GALNT13: variants seen among roughly 807,000 people sequenced by gnomAD.
GALNT13 encodes the protein polypeptide N-acetylgalactosaminyltransferase 13.
Under a neutral mutation model 64.2 loss-of-function variants are expected in GALNT13, and 28 were observed. That is an observed-to-expected ratio of 0.44 (90% CI 0.32 to 0.60). GALNT13 has a LOEUF of 0.60. Among genes scored for constraint, GALNT13 ranks in the 20% least tolerant of loss-of-function variants. The pLI is 0.05. For synonymous variants in GALNT13, 214 were observed against 224.6 expected, an observed-to-expected ratio of 0.95 and a Z score of 0.42; for missense variants, 577 against 669.8, an observed-to-expected ratio of 0.86 and a Z score of 1.53.
At chr2:154,393,997 G>T (rs1335372414) in intron 9 of GALNT13, among the ~76,000 whole-genome samples, 1 of 135,560 alleles carries the variant, frequency 7.4e-6, no homozygotes. Flanking sequence ...AGAATGGCGT[G>T]AACCCGGGAG....
At chr2:154,154,077 G>T (rs1486652676) in intron 4 of GALNT13, among the ~76,000 whole-genome samples, 8 of 152,096 alleles carry the variant, frequency 5.3e-5, no homozygotes, top group Admixed American at 3.9e-4. Context: ...CATCTTGGCT[G>T]CTTCAGTGTG....
chr2:153,684,088 A>C, the GALNT13 span, among the ~76,000 whole-genome samples: 2 of 138,080 alleles, frequency 1.4e-5, no homozygotes, highest in Non-Finnish European at 3.2e-5. Context: ...ATATATATAT[A>C]TATCCCAGGC....
the GALNT13 span, among the ~76,000 whole-genome samples, chr2:153,121,131 G>A: frequency 4.6e-5 from 7 of 152,156 alleles, no homozygotes; most frequent in African/African-American, 1.4e-4. Flanking sequence ...AGTGCATCTA[G>A]CATTAGAAGA....
the GALNT13 span, among the ~76,000 whole-genome samples, chr2:153,199,557 T>C: frequency 1.3e-5 from 2 of 152,364 alleles, no homozygotes; most frequent in South Asian, 4.1e-4. Flanking sequence ...CTTCTTGCTC[T>C]ACTCCCAGGC....
the GALNT13 span, among the ~76,000 whole-genome samples, chr2:153,126,332 A>C: frequency 2.0e-5 from 1 of 49,104 alleles, no homozygotes; most frequent in African/African-American, 5.8e-5. Context: ...ATATATATAT[A>C]TATATATATA....
At chr2:153,149,271 A>G in the GALNT13 span, among the ~76,000 whole-genome samples, 1 of 151,824 alleles carries the variant, frequency 6.6e-6, no homozygotes, top group Non-Finnish European at 1.5e-5. Flanking sequence ...ACGTTACACA[A>G]CTTTTCCAAG....
the GALNT13 span, among the ~76,000 whole-genome samples, chr2:153,350,113 T>A: frequency 0.82 from 124,979 of 152,040 alleles, 52,283 homozygotes; most frequent in African/African-American, 0.9. Context: ...GGAGTGGCTG[T>A]ATCATACTTA....
At chr2:153,954,439 G>A (rs1376389871) in intron 3 of GALNT13, among the ~76,000 whole-genome samples, 1 of 151,808 alleles carries the variant, frequency 6.6e-6, no homozygotes, top group Non-Finnish European at 1.5e-5. Context: ...AAATTAATAG[G>A]CCTTATAAAA....
intron 4 of GALNT13, among the ~76,000 whole-genome samples, chr2:154,194,777 T>C (rs1686788793): frequency 6.6e-6 from 1 of 151,836 alleles, no homozygotes; most frequent in Non-Finnish European, 1.5e-5. Context: ...GAGGCTGAAG[T>C]CAGAGAGATT....
At chr2:153,139,113 A>G in the GALNT13 span, among the ~76,000 whole-genome samples, 2 of 152,080 alleles carry the variant, frequency 1.3e-5, no homozygotes, top group African/African-American at 4.8e-5. Context: ...ATGTTTTGAT[A>G]GCAGTCAACA....
At chr2:153,913,755 G>C (rs1689144022) in intron 2 of GALNT13, among the ~76,000 whole-genome samples, 1 of 152,004 alleles carries the variant, frequency 6.6e-6, no homozygotes, top group Admixed American at 6.6e-5. Flanking sequence ...TCCCATGCAG[G>C]GTGCCCAGTC....
At chr2:153,790,503 T>C in the GALNT13 span, among the ~76,000 whole-genome samples, 3 of 152,160 alleles carry the variant, frequency 2.0e-5, no homozygotes, top group East Asian at 5.8e-4. Context: ...TCATACTGAA[T>C]GGACAAAGGC....
intron 4 of GALNT13, among the ~76,000 whole-genome samples, chr2:154,161,161 G>A (rs567000347): frequency 9.9e-5 from 15 of 152,256 alleles, no homozygotes; most frequent in African/African-American, 2.9e-4. Flanking sequence ...ATATGCATGC[G>A]ATAAGGAGGA....
chr2:153,118,513 G>A, the GALNT13 span, among the ~76,000 whole-genome samples: 4 of 152,108 alleles, frequency 2.6e-5, no homozygotes, highest in African/African-American at 9.7e-5. Flanking sequence ...AGTTATAAGT[G>A]GTCCACCCAC....
At chr2:153,879,776 G>A (rs1026110276) in intron 1 of GALNT13, among the ~76,000 whole-genome samples, 1 of 152,078 alleles carries the variant, frequency 6.6e-6, no homozygotes, top group African/African-American at 2.4e-5. Flanking sequence ...AGTGAAGGAA[G>A]AAAAGCTGAT....
chr2:153,655,033 A>G, the GALNT13 span, among the ~76,000 whole-genome samples: 8 of 152,158 alleles, frequency 5.3e-5, no homozygotes, highest in South Asian at 2.1e-4. Flanking sequence ...AAACACATGT[A>G]ACTAGTATAA....
intron 3 of GALNT13, among the ~76,000 whole-genome samples, chr2:154,136,755 T>A (rs1165580623): frequency 6.6e-6 from 1 of 152,130 alleles, no homozygotes; most frequent in African/African-American, 2.4e-5. Flanking sequence ...TTTTAAATAA[T>A]TTCACTATAT....
chr2:153,411,205 G>A, the GALNT13 span, among the ~76,000 whole-genome samples: 1 of 148,148 alleles, frequency 6.8e-6, no homozygotes, highest in African/African-American at 2.5e-5. Context: ...AAACTGAAGA[G>A]TAATACATTC....
At chr2:153,331,463 C>T in the GALNT13 span, among the ~76,000 whole-genome samples, 4 of 151,996 alleles carry the variant, frequency 2.6e-5, no homozygotes, top group Non-Finnish European at 5.9e-5. Flanking sequence ...TATTAACTTA[C>T]ATGATCACAA....
Sources: allele counts gnomAD v4.1 joint callset (sites outside exome capture counted in the v4.1 genomes callset), GRCh38; gene constraint gnomAD v4.1.1; transcripts MANE v1.5; gene names NCBI Gene and HGNC (gene_info 2026-07-23, HGNC 2026-07-21).